GALNTL6: variants seen among roughly 807,000 people sequenced by gnomAD.
The protein encoded by GALNTL6 is polypeptide N-acetylgalactosaminyltransferase-like 6.
In GALNTL6, 46 loss-of-function variants were observed where a neutral mutation model predicts 73.7. The observed-to-expected ratio is 0.62, with a 90% confidence interval of 0.49 to 0.80. GALNTL6 has a LOEUF of 0.80. Ranked by LOEUF, GALNTL6 falls within the 30% of genes least tolerant of loss-of-function variation. GALNTL6 has a pLI of 0.00. For missense variants in GALNTL6, 604 were observed against 755.0 expected, an observed-to-expected ratio of 0.80 and a Z score of 2.34; for synonymous variants, 259 against 263.7, an observed-to-expected ratio of 0.98 and a Z score of 0.17.
chr4:172,932,662 T>C (rs1280134764), intron 9 of GALNTL6, among the ~76,000 whole-genome samples: 2 of 152,240 alleles, frequency 1.3e-5, no homozygotes, highest in Admixed American at 6.5e-5. Context: ...ATGAGATATC[T>C]TGGGGATAAG....
intron 2 of GALNTL6, among the ~76,000 whole-genome samples, chr4:172,077,369 T>C (rs930285280): frequency 6.6e-6 from 1 of 151,936 alleles, no homozygotes; most frequent in Non-Finnish European, 1.5e-5. Context: ...GCTAGTGATA[T>C]GGACAGTGAA....
rs184182681 is a variant in GALNTL6, at chr4:172,959,625, G to A, written c.1371+7367G>A. On this transcript the variant is annotated intron_variant, in intron 10 of 12. Transcript: ENST00000506823. ...GGGGCTTCTGAGGCAATCAGGCAGCGTCAGTCTTCAGCCGCTAAGCTGAGA... is the reference window on the plus strand; with the variant it reads ...GGGGCTTCTGAGGCAATCAGGCAGCATCAGTCTTCAGCCGCTAAGCTGAGA... Among the ~76,000 whole-genome samples the A allele has an allele frequency of 2.0e-3, 299 of 152,130 alleles. 2 individuals carry two copies. The highest frequency in any genetic ancestry group is 5.2e-3 in the Admixed American group (79 of 15,286).
chr4:172,454,196 A>C (rs1453343138), intron 5 of GALNTL6, among the ~76,000 whole-genome samples: 1 of 152,246 alleles, frequency 6.6e-6, no homozygotes, highest in East Asian at 1.9e-4. Flanking sequence ...CTTGGGAATT[A>C]GGAAAACTGC....
chr4:172,188,050 G>C (rs1735466153), intron 2 of GALNTL6, among the ~76,000 whole-genome samples: 2 of 152,144 alleles, frequency 1.3e-5, no homozygotes, highest in African/African-American at 4.8e-5. Flanking sequence ...AAATAAAGCT[G>C]TTTTTTCTAC....
intron 4 of GALNTL6, among the ~76,000 whole-genome samples, chr4:172,335,964 A>G (rs1741301164): frequency 6.6e-6 from 1 of 151,788 alleles, no homozygotes; most frequent in African/African-American, 2.4e-5. Context: ...GATTTTAGTT[A>G]TTTATTTTCT....
chr4:172,450,243 C>T (rs1041483904), intron 5 of GALNTL6, among the ~76,000 whole-genome samples: 4 of 151,442 alleles, frequency 2.6e-5, no homozygotes, highest in Non-Finnish European at 5.9e-5. Context: ...AACAAACTTC[C>T]TCCCCCTAAA....
intron 12 of GALNTL6, among the ~76,000 whole-genome samples, chr4:173,031,692 G>A (rs1248039935): frequency 6.6e-6 from 1 of 152,064 alleles, no homozygotes; most frequent in Non-Finnish European, 1.5e-5. Flanking sequence ...ATACACATTT[G>A]ACAAATAGTA....
At chr4:172,883,198 TCTC>T (rs1239751089) in intron 8 of GALNTL6, among the ~76,000 whole-genome samples, 2 of 152,242 alleles carry the variant, frequency 1.3e-5, no homozygotes, top group Non-Finnish European at 2.9e-5. Context: ...CAAACATTCA[TCTC>T]TTCTTTGTGT....
intron 2 of GALNTL6, among the ~76,000 whole-genome samples, chr4:171,980,820 C>T (rs1739874128): frequency 6.6e-6 from 1 of 152,134 alleles, no homozygotes; most frequent in African/African-American, 2.4e-5. Flanking sequence ...TCTGAACGAA[C>T]TATTGGAGGA....
At chr4:172,899,044 A>T (rs890098293) in intron 8 of GALNTL6, among the ~76,000 whole-genome samples, 3 of 152,136 alleles carry the variant, frequency 2.0e-5, no homozygotes, top group African/African-American at 7.2e-5. Context: ...TGACCCTCTC[A>T]GGCAGACCCC....
Position 172,584,271 on chromosome 4 carries a change from G to A in GALNTL6, c.554-225090G>A, listed in dbSNP as rs543574207. Among the ~76,000 whole-genome samples the A allele has an allele frequency of 7.9e-4, 121 of 152,284 alleles. 1 individual carries two copies. The highest frequency in any genetic ancestry group is 1.6e-3 in the Non-Finnish European group (107 of 68,020). ...GTTTGAGGGCTAGCCAAGTAAAGAG[G>A]TGGAAAAGTGTATTCCTAAGGAAGT... On this transcript the variant is annotated intron_variant, in intron 5 of 12. Coordinates refer to ENST00000506823, the MANE Select transcript of GALNTL6 (RefSeq NM_001034845.3).
At chr4:172,142,325 T>G (rs1356408989) in intron 2 of GALNTL6, among the ~76,000 whole-genome samples, 1 of 152,092 alleles carries the variant, frequency 6.6e-6, no homozygotes, top group African/African-American at 2.4e-5. Context: ...TCAGACTTTC[T>G]GATCTTGCAA....
At chr4:172,801,634 C>T (rs1284776666) in intron 5 of GALNTL6, among the ~76,000 whole-genome samples, 1 of 152,204 alleles carries the variant, frequency 6.6e-6, no homozygotes, top group Non-Finnish European at 1.5e-5. Flanking sequence ...CTGTTTACTA[C>T]TCCATAAGGG....
chr4:172,293,152 C>T (rs1739529617), intron 3 of GALNTL6, among the ~76,000 whole-genome samples: 1 of 152,122 alleles, frequency 6.6e-6, no homozygotes, highest in South Asian at 2.1e-4. Context: ...CTTCACTCCA[C>T]CCCATCTCCA....
At chr4:172,581,755 G>C (rs905460786) in intron 5 of GALNTL6, among the ~76,000 whole-genome samples, 1 of 152,156 alleles carries the variant, frequency 6.6e-6, no homozygotes, top group South Asian at 2.1e-4. Flanking sequence ...TGATTGGCTT[G>C]AGAGATGATC....
At chr4:172,389,530 C>A (rs536240339) in intron 5 of GALNTL6, among the ~76,000 whole-genome samples, 14 of 152,006 alleles carry the variant, frequency 9.2e-5, no homozygotes, top group Admixed American at 8.5e-4. Context: ...GTAATAAGTT[C>A]TGTTTATGTA....
intron 5 of GALNTL6, among the ~76,000 whole-genome samples, chr4:172,353,614 TC>T (rs1742041375): frequency 6.6e-6 from 1 of 152,094 alleles, no homozygotes; most frequent in Non-Finnish European, 1.5e-5. Flanking sequence ...TTGCCAATTT[TC>T]CCTTTTTGTT....
intron 5 of GALNTL6, among the ~76,000 whole-genome samples, chr4:172,557,378 G>GA (rs1426929658): frequency 1.3e-5 from 2 of 151,994 alleles, no homozygotes; most frequent in Admixed American, 6.6e-5. Flanking sequence ...AACCAGGAGA[G>GA]AAAAAAATTG....
At chr4:172,797,017 T>C (rs1309204446) in intron 5 of GALNTL6, among the ~76,000 whole-genome samples, 1 of 152,184 alleles carries the variant, frequency 6.6e-6, no homozygotes, top group Non-Finnish European at 1.5e-5. Flanking sequence ...ACACACATTA[T>C]TTTGAGATTG....
Sources: allele counts gnomAD v4.1 joint callset (sites outside exome capture counted in the v4.1 genomes callset), GRCh38; gene constraint gnomAD v4.1.1; transcripts MANE v1.5; gene names NCBI Gene and HGNC (gene_info 2026-07-23, HGNC 2026-07-21).